IFIT3: variants seen among roughly 807,000 people sequenced by gnomAD.
IFIT3 encodes the protein interferon-induced protein with tetratricopeptide repeats 3.
In IFIT3, 2 loss-of-function variants were observed where a neutral mutation model predicts 2.4. The observed-to-expected ratio is 0.82, with a 90% CI of 0.34 to 2.60. IFIT3 has a LOEUF of 2.60. Ranked by LOEUF, IFIT3 falls within the 30% of genes most tolerant of loss-of-function variation. IFIT3 has a pLI of 0.11. For synonymous variants in IFIT3, 203 were observed against 212.1 expected (o/e 0.96, Z 0.37); for missense variants, 481 against 562.4 (o/e 0.86, Z 1.46).
intron 1 of IFIT3, among the ~76,000 whole-genome samples, chr10:89,334,649 C>A (rs534866365): frequency 6.6e-6 from 1 of 151,710 alleles, no homozygotes; most frequent in Admixed American, 6.6e-5. Context: ...CCTGCCACCA[C>A]GCCCGGCTAA....
Position 89,340,240 on chromosome 10 carries a change from T to A in IFIT3, c.*112T>A. ...GATTGCTGAGCAGGGAAGCTTTGCA[T>A]GTTGCTCTAAGGTACATTTTTAAAG... On this transcript the variant is annotated 3_prime_UTR_variant, in exon 2 of 2. Transcript: ENST00000371818. 1 of 1,145,230 alleles carries A rather than the reference T, an allele frequency of 8.7e-7. No homozygotes were observed. The highest frequency in any genetic ancestry group is 2.5e-5 in the East Asian group (1 of 39,422). The allele number at this position is 1,145,230 out of a possible 1,614,324, so 70.9% of individuals were successfully genotyped here.
At chr10:89,334,221 G>A (rs1843694251) in intron 1 of IFIT3, among the ~76,000 whole-genome samples, 1 of 152,226 alleles carries the variant, frequency 6.6e-6, no homozygotes, top group Non-Finnish European at 1.5e-5. Flanking sequence ...AGGTGGTCAT[G>A]ATCTGGGTTA....
At chr10:89,334,834 T>A (rs747246899) in intron 1 of IFIT3, among the ~76,000 whole-genome samples, 11 of 152,132 alleles carry the variant, frequency 7.2e-5, no homozygotes, top group Non-Finnish European at 8.8e-5. Context: ...TCATCCCACC[T>A]GCCTGCTTGT....
chr10:89,338,304 G>A, intron 1 of IFIT3: 1 of 189,224 alleles, frequency 5.3e-6, no homozygotes, highest in South Asian at 1.2e-4. Context: ...AACCAGGTAA[G>A]CCAATGGTGA....
chr10:89,328,102 T>C (rs1222835407), intron 1 of IFIT3, 24 bp downstream of exon 1: 1 of 1,612,524 alleles, frequency 6.2e-7, no homozygotes, highest in Admixed American at 1.7e-5. Flanking sequence ...GAATGCATAA[T>C]CATGCTTGTT....
chr10:89,336,112 CA>C (rs1297958088), intron 1 of IFIT3, among the ~76,000 whole-genome samples: 7 of 104,620 alleles, frequency 6.7e-5, no homozygotes, highest in East Asian at 3.3e-4. Flanking sequence ...CCTGTCTCTG[CA>C]AAAAAAGGAA....
Position 89,339,412 on chromosome 10 carries a change from A to G in IFIT3, c.757A>G (p.Arg253Gly). The change falls in exon 2 of 2, where the codon AGA becomes GGA. Residue 253 changes from arginine to glycine, a missense_variant. Coordinates refer to ENST00000371818, the MANE Select transcript of IFIT3 (RefSeq NM_001549.6). ...VLRSAAKFYR[R>G]KGDLDKAIEL... ...CCGCAGTGCAGCCAAATTTTACAGA[A>G]GAAAAGGTGACCTAGACAAAGCTAT... is the stretch of plus-strand genomic sequence containing the variant. 3.1e-6 allele frequency: 5 copies of G among 1,614,220 alleles called. No individual in the cohort carries two copies. The highest frequency in any genetic ancestry group is 4.2e-6 in the Non-Finnish European group (5 of 1,180,036).
chr10:89,338,116 G>A (rs1447078957), intron 1 of IFIT3: 1 of 152,306 alleles, frequency 6.6e-6, no homozygotes, highest in African/African-American at 2.4e-5. Flanking sequence ...AATTTATGAT[G>A]GGTTTATCAG....
rs1589611851 is a variant in IFIT3, at chr10:89,339,019, C to T, written c.364C>T (p.Gln122Ter). ...TCAGATTTATGTAGATAAGGTGAAA[C>T]AAACCTGCAAGAAATTTTCAAATCC... ...DAQIYVDKVK[Q>*]TCKKFSNPYS... Residue 122 changes from glutamine to a stop codon, truncating the protein, a stop_gained, in exon 2 of 2, where the codon CAA (glutamine) becomes TAA (stop). Coordinates refer to ENST00000371818, the MANE Select transcript of IFIT3 (RefSeq NM_001549.6). LOFTEE classifies it low-confidence loss of function (END_TRUNC). 6.8e-6 allele frequency: 11 copies of T among 1,614,114 alleles called. No individual in the cohort carries two copies. In the East Asian group the frequency reaches 2.5e-4, roughly 36 times the overall value.
intron 1 of IFIT3, among the ~76,000 whole-genome samples, chr10:89,333,792 G>A (rs1843687628): frequency 1.3e-5 from 2 of 152,244 alleles, no homozygotes; most frequent in South Asian, 4.1e-4. Context: ...GCTGCTCACA[G>A]TGTGGTCTGA....
chr10:89,334,926 A>G (rs868463260), intron 1 of IFIT3, among the ~76,000 whole-genome samples: 16 of 152,322 alleles, frequency 1.1e-4, no homozygotes, highest in Middle Eastern at 6.8e-3. Context: ...TTTCAAAAAC[A>G]CATATGAGAT....
At chr10:89,329,502 T>G (rs758432053) in intron 1 of IFIT3, among the ~76,000 whole-genome samples, 1 of 152,042 alleles carries the variant, frequency 6.6e-6, no homozygotes, top group African/African-American at 2.4e-5. Flanking sequence ...CAGGTTCACA[T>G]CAAGGTGCTC....
rs774908305 is a variant in IFIT3 at position 89,339,701 on chromosome 10, A to G, written c.1046A>G (p.Asn349Ser). Reference sequence around the variant, plus strand: ...ACGGAATGTTATCAGACACCATTCAATAAGGAAGTCCCTGATGCTGAAAAG... The same window carrying G: ...ACGGAATGTTATCAGACACCATTCAGTAAGGAAGTCCCTGATGCTGAAAAG... Reference protein sequence around the residue: ...LETECYQTPFNKEVPDAEKQQ... With the variant: ...LETECYQTPFSKEVPDAEKQQ... Residue 349 changes from asparagine (N) to serine (S), a missense_variant, in exon 2 of 2, where the codon AAT becomes AGT. Coordinates refer to ENST00000371818, the MANE Select transcript of IFIT3 (RefSeq NM_001549.6). The G allele has an allele frequency of 1.9e-6, 3 of 1,614,132 alleles. No homozygotes were observed. The highest frequency in any genetic ancestry group is 2.2e-5 in the East Asian group (1 of 44,904).
chr10:89,328,081 C>A lies in IFIT3; in HGVS notation c.5+3C>A. On this transcript the variant is annotated splice_donor_region_variant and intron_variant, in intron 1 of 1. Coordinates refer to ENST00000371818, the MANE Select transcript of IFIT3 (RefSeq NM_001549.6). ...GAGACACAGAGGGCAGTCATGAGGT[C>A]AGTGAAATAAGAATGCATAATCATG... 1.9e-6 allele frequency: 3 copies of A among 1,613,852 alleles called. No individual in the cohort carries two copies. Among genetic ancestry groups the A allele is most frequent in the Non-Finnish European group, 2.5e-6 (3 of 1,179,806 alleles).
At chr10:89,333,166 A>G (rs530603272) in intron 1 of IFIT3, among the ~76,000 whole-genome samples, 9 of 152,326 alleles carry the variant, frequency 5.9e-5, no homozygotes, top group East Asian at 1.9e-4. Context: ...GTCCTCTAGC[A>G]GGTCTAGTGA....
intron 1 of IFIT3, among the ~76,000 whole-genome samples, chr10:89,335,169 A>G (rs1843715710): frequency 6.6e-6 from 1 of 152,186 alleles, no homozygotes; most frequent in African/African-American, 2.4e-5. Flanking sequence ...AAAAATCAAG[A>G]GAATCAAGGG....
intron 1 of IFIT3, among the ~76,000 whole-genome samples, chr10:89,329,882 A>C (rs1290671154): frequency 6.6e-6 from 1 of 151,884 alleles, no homozygotes; most frequent in Non-Finnish European, 1.5e-5. Context: ...GGGAAGGGAG[A>C]TAGGGGTGGG....
At position 89,339,632 on chromosome 10, in the gene IFIT3, T is replaced by C. The variant is rs1217585463; in HGVS notation, c.977T>C (p.Leu326Pro). ...TCGAATAAAGCTCTTGAGAAGGGAC[T>C]GAATCCTCTGAATGCATACTCCGAT... ...DYSNKALEKGLNPLNAYSDLA... is the reference protein window; with the variant it reads ...DYSNKALEKGPNPLNAYSDLA... Residue 326 changes from leucine (L) to proline (P), a missense_variant, in exon 2 of 2, where the codon CTG (leucine) becomes CCG (proline). Coordinates refer to ENST00000371818, the MANE Select transcript of IFIT3 (RefSeq NM_001549.6). The C allele has an allele frequency of 1.2e-6, 2 of 1,614,220 alleles. No individual in the cohort carries two copies. Among genetic ancestry groups the C allele is most frequent in the Admixed American group, 3.3e-5 (2 of 60,022 alleles).
intron 1 of IFIT3, 45 bp downstream of exon 1, chr10:89,328,123 A>G (rs1564786992): frequency 1.3e-6 from 2 of 1,598,976 alleles, no homozygotes; most frequent in Non-Finnish European, 8.6e-7. Flanking sequence ...TTTGAGTGCA[A>G]ATTGTAAGTT....
Sources: gnomAD v4.1 joint callset for allele counts (sites outside exome capture counted in the v4.1 genomes callset) on GRCh38, gnomAD v4.1.1 for gene constraint, MANE v1.5 for transcripts, NCBI Gene and HGNC (gene_info 2026-07-23, HGNC 2026-07-21) for gene names.